Variants in MECOM observed in about 807,000 individuals in gnomAD.
The protein encoded by MECOM is MDS1 and EVI1 complex locus.
In MECOM, 13 loss-of-function variants were observed where a neutral mutation model predicts 116.3. The observed-to-expected ratio is 0.11, with a 90% CI of 0.07 to 0.18. The LOEUF (loss-of-function observed/expected upper bound fraction) is 0.18. MECOM is among the 10% of genes least tolerant of loss of function. MECOM has a pLI of 1.00. For synonymous variants in MECOM, 528 were observed against 535.2 expected, an observed-to-expected ratio of 0.99 and a Z score of 0.19; for missense variants, 1,299 against 1,509.0, an observed-to-expected ratio of 0.86 and a Z score of 2.31.
At chr3:169,113,977 T>C (rs1728284735) in intron 8 of MECOM, among the ~76,000 whole-genome samples, 1 of 152,002 alleles carries the variant, frequency 6.6e-6, no homozygotes, top group Admixed American at 6.6e-5. Flanking sequence ...CAGAGAGATG[T>C]TGGAGATCAC....
At chr3:169,659,321 T>TA (rs1402029366) in intron 1 of MECOM, among the ~76,000 whole-genome samples, 5 of 150,802 alleles carry the variant, frequency 3.3e-5, no homozygotes, top group Non-Finnish European at 7.4e-5. Context: ...TCCCTACAAA[T>TA]AAAAAAAGAA....
chr3:169,466,639 G>A (rs527972633), intron 1 of MECOM, among the ~76,000 whole-genome samples: 23 of 151,498 alleles, frequency 1.5e-4, no homozygotes, highest in African/African-American at 4.9e-4. Flanking sequence ...CTTTCACTTC[G>A]GCCTCTTTAA....
chr3:169,378,458 C>CGAGCGA (rs1731585973), intron 2 of MECOM, among the ~76,000 whole-genome samples: 1 of 41,830 alleles, frequency 2.4e-5, no homozygotes, highest in Non-Finnish European at 4.5e-5. Flanking sequence ...AGAAGGAAAG[C>CGAGCGA]AAGCAAGCAA....
chr3:169,480,764 T>G (rs1751168127), intron 1 of MECOM, among the ~76,000 whole-genome samples: 1 of 152,168 alleles, frequency 6.6e-6, no homozygotes, highest in Non-Finnish European at 1.5e-5. Context: ...CCTGTGCTTT[T>G]CAGGAGGCTC....
rs550477024 is a variant in MECOM, at chr3:169,658,299, C to A, written c.37+5037G>T. Among the ~76,000 whole-genome samples the A allele has an allele frequency of 2.0e-5, 3 of 152,346 alleles. No homozygotes were observed. The East Asian group carries it at 5.8e-4, about 29-fold the overall frequency. ...TGTACCTGGCATCATCAGAGTGTAA[C>A]TTTTCCCTCCCACCCCATCTCTTCC... On this transcript the variant is annotated intron_variant, in intron 1 of 16. Coordinates refer to ENST00000651503, the MANE Select transcript of MECOM (RefSeq NM_004991.4).
At chr3:169,181,234 A>G (rs1301148823) in intron 2 of MECOM, among the ~76,000 whole-genome samples, 1 of 152,128 alleles carries the variant, frequency 6.6e-6, no homozygotes, top group Non-Finnish European at 1.5e-5. Context: ...CTTTCTGTAG[A>G]TCTATCCAGA....
chr3:169,479,782 A>G (rs1021803024), intron 1 of MECOM, among the ~76,000 whole-genome samples: 1 of 152,096 alleles, frequency 6.6e-6, no homozygotes, highest in Non-Finnish European at 1.5e-5. Flanking sequence ...TTTTCCTTAT[A>G]GGGACCTGAA....
chr3:169,385,497 G>A (rs1733176995), intron 1 of MECOM, among the ~76,000 whole-genome samples: 1 of 151,946 alleles, frequency 6.6e-6, no homozygotes, highest in Admixed American at 6.6e-5. Context: ...ATGTAAAAAA[G>A]GCTGTGATGA....
chr3:169,539,154 T>C lies in MECOM; in HGVS notation c.37+124182A>G, dbSNP rs1490376806. On this transcript the variant is annotated intron_variant, in intron 1 of 16. Coordinates refer to ENST00000651503, the MANE Select transcript of MECOM (RefSeq NM_004991.4). Reference sequence around the variant, plus strand: ...GTTGTTCTTTAAATATATTAGCAGATGGGTTTTAGCAACTTCACTTGATCT... The same window carrying C: ...GTTGTTCTTTAAATATATTAGCAGACGGGTTTTAGCAACTTCACTTGATCT... Among the ~76,000 whole-genome samples the C allele has an allele frequency of 2.0e-5, 3 of 152,282 alleles. No homozygotes were observed. In the East Asian group the frequency reaches 5.8e-4, roughly 29 times the overall value.
At chr3:169,533,184 C>T (rs1758869299) in intron 1 of MECOM, among the ~76,000 whole-genome samples, 2 of 152,028 alleles carry the variant, frequency 1.3e-5, no homozygotes, top group African/African-American at 4.8e-5. Context: ...CGTTTCCTCA[C>T]ATTTGGCCCT....
At chr3:169,575,980 T>C (rs910371536) in intron 1 of MECOM, among the ~76,000 whole-genome samples, 3 of 152,144 alleles carry the variant, frequency 2.0e-5, no homozygotes. Context: ...ATTCGCAAAA[T>C]TCTAAGGTGC....
intron 2 of MECOM, among the ~76,000 whole-genome samples, chr3:169,254,683 C>A (rs1014570324): frequency 3.3e-5 from 5 of 151,988 alleles, no homozygotes; most frequent in African/African-American, 1.2e-4. Flanking sequence ...GATAATATTA[C>A]TCTCAGATAA....
chr3:169,431,833 A>G (rs985494868), intron 1 of MECOM, among the ~76,000 whole-genome samples: 53 of 152,196 alleles, frequency 3.5e-4, no homozygotes, highest in African/African-American at 1.2e-3. Context: ...AGGCAACACG[A>G]GATGGCACAG....
chr3:169,269,985 T>TA (rs1400777693), intron 2 of MECOM, among the ~76,000 whole-genome samples: 2 of 152,150 alleles, frequency 1.3e-5, no homozygotes, highest in African/African-American at 4.8e-5. Flanking sequence ...TGTGTGTGTG[T>TA]GTGTGTAGGT....
chr3:169,511,697 A>C (rs1189919795), intron 1 of MECOM, among the ~76,000 whole-genome samples: 1 of 151,896 alleles, frequency 6.6e-6, no homozygotes, highest in Non-Finnish European at 1.5e-5. Flanking sequence ...TGAACCCAGG[A>C]GGCGGAGGTT....
intron 12 of MECOM, among the ~76,000 whole-genome samples, chr3:169,098,917 T>C (rs1245605421): frequency 1.3e-5 from 2 of 152,164 alleles, no homozygotes; most frequent in Admixed American, 6.5e-5. Flanking sequence ...ATTGTTAATA[T>C]GTTTCAGGTA....
At chr3:169,288,734 CT>C (rs1388967110) in intron 2 of MECOM, among the ~76,000 whole-genome samples, 1 of 152,112 alleles carries the variant, frequency 6.6e-6, no homozygotes, top group Non-Finnish European at 1.5e-5. Context: ...TCTCAATGAC[CT>C]CCAGTGATGC....
At chr3:169,181,660 C>T (rs1745982079) in intron 2 of MECOM, among the ~76,000 whole-genome samples, 1 of 152,076 alleles carries the variant, frequency 6.6e-6, no homozygotes, top group South Asian at 2.1e-4. Context: ...CCAAAAGTAC[C>T]AGAGATGTGT....
At chr3:169,278,090 T>C (rs1356510916) in intron 2 of MECOM, among the ~76,000 whole-genome samples, 2 of 152,260 alleles carry the variant, frequency 1.3e-5, no homozygotes, top group African/African-American at 4.8e-5. Context: ...ACTGAATGAA[T>C]GATGGCACGC....
Sources: allele counts gnomAD v4.1 joint callset (sites outside exome capture counted in the v4.1 genomes callset), GRCh38; gene constraint gnomAD v4.1.1; transcripts MANE v1.5; gene names NCBI Gene and HGNC (gene_info 2026-07-23, HGNC 2026-07-21).